The following MLLT3 variants were observed in gnomAD, a reference collection of about 807,000 sequenced individuals.
MLLT3 encodes the protein protein AF-9.
Under a neutral mutation model 53.2 loss-of-function variants are expected in MLLT3, and 4 were observed. The ratio of observed to expected loss-of-function variants is 0.08; its 90% confidence interval spans 0.04 to 0.17. The LOEUF is 0.17. Ranked by LOEUF, MLLT3 falls within the 10% of genes least tolerant of loss-of-function variation. The pLI, the probability that MLLT3 is intolerant of heterozygous loss-of-function variation, is 1.00. For synonymous variants in MLLT3, 283 were observed against 230.6 expected (o/e 1.23, Z -2.06); for missense variants, 569 against 684.0 (o/e 0.83, Z 1.87).
chr9:20,538,890 G>A (rs1346962512), intron 2 of MLLT3, among the ~76,000 whole-genome samples: 1 of 152,098 alleles, frequency 6.6e-6, no homozygotes, highest in African/African-American at 2.4e-5. Flanking sequence ...TAAAAGTTAT[G>A]TTTATACTAT....
At chr9:20,569,690 AAGGTT>A (rs1819479145) in intron 2 of MLLT3, among the ~76,000 whole-genome samples, 1 of 152,158 alleles carries the variant, frequency 6.6e-6, no homozygotes, top group African/African-American at 2.4e-5. Context: ...CCCAGTTCTA[AAGGTT>A]TGGAGTGAAG....
At position 20,345,798 on chromosome 9, in the gene MLLT3, G is replaced by A. The variant is rs1036693853; in HGVS notation, c.*645C>T. On this transcript the variant is annotated 3_prime_UTR_variant, in exon 11 of 11. Transcript: ENST00000380338. The stretch of plus-strand genomic sequence containing the variant: ...AGAAGAAAATCAAGGTGGCTATTTG[G>A]TCCCCCCAGTTGATAATCTGTGTCC... 1.3e-5 allele frequency: 3 copies of A among 222,356 alleles called. No homozygotes were observed. The highest frequency in any genetic ancestry group is 6.7e-5 in the African/African-American group (3 of 44,686). 13.8% of individuals were successfully genotyped at this position (222,356 alleles called of 1,614,324 possible).
chr9:20,359,145 C>CAAAAAAAAAAAA (rs920197622), intron 8 of MLLT3, among the ~76,000 whole-genome samples: 2 of 20,982 alleles, frequency 9.5e-5, no homozygotes, highest in Admixed American at 5.1e-4. Flanking sequence ...AACTCCATCT[C>CAAAAAAAAAAAA]AAAAAAAAAA....
At chr9:20,467,341 A>G (rs1824261971) in intron 2 of MLLT3, among the ~76,000 whole-genome samples, 2 of 152,162 alleles carry the variant, frequency 1.3e-5, no homozygotes, top group Non-Finnish European at 2.9e-5. Context: ...GCACTTTGGG[A>G]GGCTGAGGTA....
rs377238874 is a variant in MLLT3, at chr9:20,447,190, C to A, written c.420+933G>T. On this transcript the variant is annotated intron_variant, in intron 4 of 10. Transcript: ENST00000380338. ...TAAAGAAAACTGTGCCACAAAAAAA[C>A]CACCTGCTTCCTACAAAGCCCTCAG... Among the ~76,000 whole-genome samples the A allele has an allele frequency of 8.5e-5, 13 of 152,254 alleles. 1 individual carries two copies. Among genetic ancestry groups the A allele is most frequent in the Admixed American group, 5.9e-4 (9 of 15,276 alleles).
At chr9:20,565,976 ATATATATTTATT>A (rs1351009898) in intron 2 of MLLT3, among the ~76,000 whole-genome samples, 7 of 118,710 alleles carry the variant, frequency 5.9e-5, no homozygotes, top group East Asian at 2.1e-4. Context: ...ATTTATATAT[ATATATATTTATT>A]TATATATTTA....
chr9:20,362,706 C>CTTTTTTTTTTTTTTTT (rs989895694), intron 7 of MLLT3: 2 of 99,712 alleles, frequency 2.0e-5, no homozygotes, highest in Admixed American at 1.1e-4. Flanking sequence ...GTTAAGACCG[C>CTTTTTTTTTTTTTTTT]TTTTTTTTTT....
intron 2 of MLLT3, among the ~76,000 whole-genome samples, chr9:20,576,272 C>G (rs1478352050): frequency 6.6e-6 from 1 of 152,202 alleles, no homozygotes; most frequent in Non-Finnish European, 1.5e-5. Context: ...GATCTTCTAT[C>G]CAGACCACTA....
At chr9:20,522,367 T>G (rs1249925334) in intron 2 of MLLT3, among the ~76,000 whole-genome samples, 2 of 152,136 alleles carry the variant, frequency 1.3e-5, no homozygotes, top group African/African-American at 4.8e-5. Flanking sequence ...AGCTTAAACA[T>G]TATTTGAAAG....
At chr9:20,618,733 C>A (rs1820904393) in intron 2 of MLLT3, among the ~76,000 whole-genome samples, 1 of 152,148 alleles carries the variant, frequency 6.6e-6, no homozygotes, top group Admixed American at 6.5e-5. Flanking sequence ...GCAGCACCCT[C>A]ATGTTCCCTC....
At chr9:20,391,988 G>A (rs931823373) in intron 5 of MLLT3, among the ~76,000 whole-genome samples, 2 of 152,156 alleles carry the variant, frequency 1.3e-5, no homozygotes, top group Non-Finnish European at 2.9e-5. Flanking sequence ...CTATATGGAA[G>A]TCAATAGGCT....
chr9:20,451,063 A>C (rs1300264423), intron 3 of MLLT3, among the ~76,000 whole-genome samples: 1 of 152,228 alleles, frequency 6.6e-6, no homozygotes, highest in Non-Finnish European at 1.5e-5. Context: ...CAAGAAACTA[A>C]GAATGATCAT....
At chr9:20,541,613 G>A (rs573509986) in intron 2 of MLLT3, among the ~76,000 whole-genome samples, 14 of 152,136 alleles carry the variant, frequency 9.2e-5, no homozygotes, top group Admixed American at 4.6e-4. Context: ...GGGGAAATCC[G>A]CCCCCATGAT....
intron 2 of MLLT3, among the ~76,000 whole-genome samples, chr9:20,527,591 C>G (rs1333108965): frequency 6.6e-6 from 1 of 152,156 alleles, no homozygotes; most frequent in African/African-American, 2.4e-5. Context: ...TTCTAAAGTC[C>G]ATGATTTTTC....
chr9:20,562,337 T>TACCACC (rs1295121441), intron 2 of MLLT3, among the ~76,000 whole-genome samples: 1 of 151,976 alleles, frequency 6.6e-6, no homozygotes, highest in African/African-American at 2.4e-5. Context: ...CCACTACCTC[T>TACCACC]ACCACCACCA....
chr9:20,574,582 G>C (rs1168841466), intron 2 of MLLT3, among the ~76,000 whole-genome samples: 1 of 152,124 alleles, frequency 6.6e-6, no homozygotes, highest in African/African-American at 2.4e-5. Flanking sequence ...TTTTAAAAAT[G>C]CTTTATTGCT....
chr9:20,350,037 A>G (rs1456088383), intron 10 of MLLT3, among the ~76,000 whole-genome samples: 1 of 152,240 alleles, frequency 6.6e-6, no homozygotes, highest in Non-Finnish European at 1.5e-5. Context: ...GGCTCCATAA[A>G]GAAAAATAAG....
chr9:20,558,379 T>C (rs1167020578), intron 2 of MLLT3, among the ~76,000 whole-genome samples: 1 of 152,120 alleles, frequency 6.6e-6, no homozygotes, highest in East Asian at 1.9e-4. Flanking sequence ...GTGATCTGCC[T>C]GCCTGCCTGC....
intron 2 of MLLT3, among the ~76,000 whole-genome samples, chr9:20,521,765 G>GA (rs765553762): frequency 6.6e-6 from 1 of 152,082 alleles, no homozygotes; most frequent in Non-Finnish European, 1.5e-5. Flanking sequence ...ATTTAATGGA[G>GA]AAAAATCCCT....
Sources: gnomAD v4.1 joint callset for allele counts (sites outside exome capture counted in the v4.1 genomes callset) on GRCh38, gnomAD v4.1.1 for gene constraint, MANE v1.5 for transcripts, NCBI Gene and HGNC (gene_info 2026-07-23, HGNC 2026-07-21) for gene names.